GPALPP1: variants seen among roughly 807,000 people sequenced by gnomAD.
The protein encoded by GPALPP1 is GPALPP motifs-containing protein 1.
A neutral mutation model predicts 38.9 loss-of-function variants in GPALPP1; 30 were observed. That is an observed-to-expected ratio of 0.77 (90% confidence interval 0.58 to 1.05). GPALPP1 has a LOEUF of 1.05. Ranked by LOEUF, GPALPP1 falls within the 50% of genes least tolerant of loss-of-function variation. The pLI, the probability that GPALPP1 is intolerant of heterozygous loss-of-function variation, is 0.00. For synonymous variants in GPALPP1, 120 were observed against 139.2 expected, an observed-to-expected ratio of 0.86 and a Z score of 0.97; for missense variants, 384 against 408.8, an observed-to-expected ratio of 0.94 and a Z score of 0.52.
At chr13:45,015,651 GA>G (rs1473665965) in intron 6 of GPALPP1, 55 bp downstream of exon 6, 7 of 1,217,986 alleles carry the variant, frequency 5.7e-6, no homozygotes, top group Non-Finnish European at 7.6e-6. Context: ...GCTGGATTTT[GA>G]AAAGATATAA....
chr13:45,009,411 C>T (rs59658823), intron 4 of GPALPP1, among the ~76,000 whole-genome samples: 8,712 of 152,204 alleles, frequency 0.057, 391 homozygotes, highest in East Asian at 0.12. Context: ...GAGTACTTTA[C>T]AATTTGTAAT....
At chr13:44,989,837 G>A (rs2137937173) in intron 1 of GPALPP1, 95 bp downstream of exon 1, 1 of 909,094 alleles carries the variant, frequency 1.1e-6, no homozygotes, top group Non-Finnish European at 1.7e-6. Context: ...TAGGAGGGCG[G>A]AGGAGTGGGG....
In GPALPP1 at chr13:44,996,198, T is replaced by C. The variant is rs377040677; in HGVS notation, c.88+6456T>C. Reference sequence around the variant, plus strand: ...AGTAAGACCTCATCTCTACTAAAAATTTAAAAATTAGCCAGGCATGGTAGC... The same window carrying C: ...AGTAAGACCTCATCTCTACTAAAAACTTAAAAATTAGCCAGGCATGGTAGC... On this transcript the variant is annotated intron_variant, in intron 1 of 7. Coordinates refer to ENST00000379151, the MANE Select transcript of GPALPP1 (RefSeq NM_018559.5). Among the ~76,000 whole-genome samples the C allele has an allele frequency of 2.6e-5, 4 of 152,038 alleles. No individual in the cohort carries two copies. The East Asian group carries it at 5.9e-4, about 22-fold the overall frequency.
At chr13:45,025,850 C>T (rs548895360) in intron 7 of GPALPP1, among the ~76,000 whole-genome samples, 1 of 152,168 alleles carries the variant, frequency 6.6e-6, no homozygotes, top group East Asian at 1.9e-4. Flanking sequence ...TGGCTTACCG[C>T]AACCTCCACC....
At chr13:44,991,022 G>A (rs571465606) in intron 1 of GPALPP1, among the ~76,000 whole-genome samples, 84 of 152,208 alleles carry the variant, frequency 5.5e-4, no homozygotes, top group African/African-American at 1.8e-3. Flanking sequence ...CCCAGGAGGC[G>A]GAGGTTGCAG....
At chr13:45,019,204 G>A (rs1372934674) in intron 6 of GPALPP1, among the ~76,000 whole-genome samples, 2 of 149,838 alleles carry the variant, frequency 1.3e-5, no homozygotes, top group Non-Finnish European at 3.0e-5. Flanking sequence ...CTGGAGTGCA[G>A]TGGCACCATC....
downstream of GPALPP1, chr13:45,033,572 A>AT (rs1219520098): frequency 6.6e-6 from 1 of 152,160 alleles, no homozygotes; most frequent in East Asian, 1.9e-4. Flanking sequence ...CTAAAGTGTA[A>AT]TTTTTTATGT....
chr13:45,016,571 A>G (rs982664334), intron 6 of GPALPP1, among the ~76,000 whole-genome samples: 3 of 152,276 alleles, frequency 2.0e-5, no homozygotes, highest in African/African-American at 7.2e-5. Flanking sequence ...GAATTAAACC[A>G]GTATCCCCAG....
chr13:45,037,599 G>C (rs1320748365), exon 8 of GPALPP1: 4 of 152,142 alleles, frequency 2.6e-5, no homozygotes, highest in Non-Finnish European at 5.9e-5. Context: ...TGTCATATTT[G>C]AAAACAGAGA....
In GPALPP1 at chr13:45,012,779, C is replaced by G. The variant is rs141732894; in HGVS notation, c.409-2173C>G. ...ATTGAACCTTTTTCAAAAGACCTTTCTTTTTCAGTTTTGAGATTTTCGTTT... is the reference window on the plus strand; with the variant it reads ...ATTGAACCTTTTTCAAAAGACCTTTGTTTTTCAGTTTTGAGATTTTCGTTT... On this transcript the variant is annotated intron_variant, in intron 4 of 7. Coordinates refer to ENST00000379151, the MANE Select transcript of GPALPP1 (RefSeq NM_018559.5). 4.1e-3 allele frequency among the ~76,000 whole-genome samples: 627 copies of G among 152,222 alleles called. 10 individuals carry two copies. The highest frequency in any genetic ancestry group is 2.1e-3 in the Non-Finnish European group (144 of 67,994).
chr13:45,023,667 T>G (rs550549679), intron 7 of GPALPP1, among the ~76,000 whole-genome samples: 1 of 152,316 alleles, frequency 6.6e-6, no homozygotes, highest in Admixed American at 6.5e-5. Flanking sequence ...TGTTATATAT[T>G]TAGGCCTTCC....
Position 44,991,445 on chromosome 13 carries a change from C to CA in GPALPP1, c.88+1715dup, listed in dbSNP as rs1234315024. ...CTGGCGACAGAGTGAGACTCTGTCT[C>CA]AAAAAAAAAAAAGAAAAAGATTCTT... On this transcript the variant is annotated intron_variant, in intron 1 of 7. Transcript: ENST00000379151. Among the ~76,000 whole-genome samples, 566 of 127,062 alleles carry CA rather than the reference C, an allele frequency of 4.5e-3. 3 individuals carry two copies. Among genetic ancestry groups the CA allele is most frequent in the South Asian group, 0.037 (152 of 4,062 alleles). 83.4% of individuals were successfully genotyped at this position (127,062 alleles called of 152,430 possible).
At chr13:45,026,231 C>T (rs969095746) in intron 7 of GPALPP1, among the ~76,000 whole-genome samples, 2 of 152,030 alleles carry the variant, frequency 1.3e-5, no homozygotes, top group Non-Finnish European at 2.9e-5. Flanking sequence ...TTGCTTAACC[C>T]AGTATATTGA....
chr13:45,020,800 T>A (rs940950535), intron 7 of GPALPP1, among the ~76,000 whole-genome samples: 1 of 151,250 alleles, frequency 6.6e-6, no homozygotes, highest in Non-Finnish European at 1.5e-5. Flanking sequence ...AAATACACTA[T>A]GTTGCATATA....
intron 6 of GPALPP1, among the ~76,000 whole-genome samples, chr13:45,016,024 C>A (rs1172613764): frequency 1.9e-4 from 28 of 150,976 alleles, no homozygotes; most frequent in Admixed American, 1.7e-3. Context: ...AAAAAAAAAA[C>A]AAAGCTGCAG....
chr13:45,017,124 T>C (rs1315926846), intron 6 of GPALPP1, among the ~76,000 whole-genome samples: 2 of 152,254 alleles, frequency 1.3e-5, no homozygotes, highest in African/African-American at 2.4e-5. Context: ...TCTGTAATGA[T>C]CAATTTTCCT....
intron 4 of GPALPP1, among the ~76,000 whole-genome samples, 196 bp from the exon 5 acceptor site, chr13:45,014,756 A>G (rs986656889): frequency 1.1e-4 from 17 of 152,158 alleles, no homozygotes; most frequent in African/African-American, 4.1e-4. Flanking sequence ...CATGCCATGG[A>G]TTTGTCATCT....
chr13:45,032,556 C>T (rs1337550617), downstream of GPALPP1, among the ~76,000 whole-genome samples: 2 of 151,688 alleles, frequency 1.3e-5, no homozygotes, highest in African/African-American at 4.8e-5. Context: ...CAGGCGCCCA[C>T]CACCGTGCCC....
At chr13:44,989,787 T>A in intron 1 of GPALPP1, 45 bp downstream of exon 1, 1 of 1,435,348 alleles carries the variant, frequency 7.0e-7, no homozygotes, top group Non-Finnish European at 9.7e-7. Flanking sequence ...ATCTACCCAC[T>A]CCCTGGCCGG....
Sources: gnomAD v4.1 joint callset for allele counts (sites outside exome capture counted in the v4.1 genomes callset) on GRCh38, gnomAD v4.1.1 for gene constraint, MANE v1.5 for transcripts, NCBI Gene and HGNC (gene_info 2026-07-23, HGNC 2026-07-21) for gene names.